Variants in APOC4 observed in about 807,000 individuals in gnomAD.
The protein encoded by APOC4 is apolipoprotein C-IV.
In APOC4, 10 loss-of-function variants were observed where a neutral mutation model predicts 8.4. The observed-to-expected ratio is 1.19, with a 90% CI of 0.74 to 2.03. APOC4 has a LOEUF of 2.03. Among genes scored for constraint, APOC4 ranks in the 30% most tolerant of loss-of-function variants. The pLI is 0.00. For synonymous variants in APOC4, 59 were observed against 65.8 expected (o/e 0.90, Z 0.50); for missense variants, 160 against 156.1 (o/e 1.02, Z -0.13).
Position 44,944,820 on chromosome 19 carries a change from G to A in APOC4, c.148G>A (p.Val50Met). ...PKLKMSRWSL[V>M]RGRMKELLET... is the part of the protein sequence containing the mutation. ...GCTAAAGATGAGTCGCTGGAGCCTGGTGAGGGGCAGGATGAAGGAGCTGCT... is the reference window on the plus strand; with the variant it reads ...GCTAAAGATGAGTCGCTGGAGCCTGATGAGGGGCAGGATGAAGGAGCTGCT... Residue 50 changes from valine (V) to methionine (M), a missense_variant, in exon 2 of 3, where the codon GTG (valine) becomes ATG (methionine). Coordinates refer to ENST00000592954, the MANE Select transcript of APOC4 (RefSeq NM_001646.3). 1.2e-6 allele frequency: 2 copies of A among 1,609,748 alleles called. No homozygotes were observed. The highest frequency in any genetic ancestry group is 1.1e-5 in the South Asian group (1 of 90,188).
Position 44,945,176 on chromosome 19 carries a change from C to A in APOC4, c.255C>A (p.Tyr85Ter), listed in dbSNP as rs769388854. The A allele has an allele frequency of 1.9e-6, 3 of 1,614,114 alleles. No homozygotes were observed. The highest frequency in any genetic ancestry group is 2.5e-6 in the Non-Finnish European group (3 of 1,180,012). The change falls in exon 3 of 3, where the codon TAC (tyrosine) becomes TAA (stop). Residue 85 changes from tyrosine to a stop codon, truncating the protein, a stop_gained. Coordinates refer to ENST00000592954, the MANE Select transcript of APOC4 (RefSeq NM_001646.3). LOFTEE classifies it low-confidence loss of function (END_TRUNC). Reference sequence around the variant, plus strand: ...CCTTCCGGGGCTTCATGCAGACCTACTATGACGACCACCTGAGGGACCTGG... The same window carrying A: ...CCTTCCGGGGCTTCATGCAGACCTAATATGACGACCACCTGAGGGACCTGG... ...PSTFRGFMQTYYDDHLRDLGP... is the reference protein window; with the variant it reads ...PSTFRGFMQT
At chr19:44,942,415 T>C in intron 1 of APOC4, 62 bp downstream of exon 1, 1 of 1,547,524 alleles carries the variant, frequency 6.5e-7, no homozygotes, top group Non-Finnish European at 8.8e-7. Flanking sequence ...TGTGGCTGTG[T>C]GTCCTGTGGC....
At position 44,945,395 on chromosome 19, in the gene APOC4, G is replaced by C. The variant is rs1348593947; in HGVS notation, c.*90G>C. ...AGGTAGGATGATGGCTTGAGCCCAG[G>C]AGTTCGAGACCAGCCTGGGCAACAC... On this transcript the variant is annotated 3_prime_UTR_variant, in exon 3 of 3. Coordinates refer to ENST00000592954, the MANE Select transcript of APOC4 (RefSeq NM_001646.3). 1.8e-5 allele frequency: 25 copies of C among 1,397,220 alleles called. No homozygotes were observed. The highest frequency in any genetic ancestry group is 1.4e-5 in the Non-Finnish European group (14 of 1,029,380). 86.6% of individuals were successfully genotyped at this position (1,397,220 alleles called of 1,614,324 possible).
chr19:44,944,970 C>A (rs966549945), intron 2 of APOC4, 80 bp downstream of exon 2: 10 of 1,533,100 alleles, frequency 6.5e-6, no homozygotes, highest in Non-Finnish European at 7.0e-6. Context: ...ACCCCTGAGT[C>A]TCAGGGAGGA....
intron 1 of APOC4, among the ~76,000 whole-genome samples, chr19:44,942,891 T>C (rs1970275289): frequency 6.6e-6 from 1 of 151,758 alleles, no homozygotes; most frequent in Non-Finnish European, 1.5e-5. Flanking sequence ...CTTCAGAGTA[T>C]TTGGGACTAC....
chr19:44,944,865 A>C lies in APOC4; in HGVS notation c.193A>C (p.Thr65Pro). The change falls in exon 2 of 3, where the codon ACC (threonine) becomes CCC (proline). Residue 65 changes from threonine (T) to proline (P), a missense_variant. Coordinates refer to ENST00000592954, the MANE Select transcript of APOC4 (RefSeq NM_001646.3). ...KELLETVVNR[T>P]RDGWQWFWSP... Reference sequence around the variant, plus strand: ...GCTGCTGGAGACAGTGGTGAACAGGACCAGAGACGGGTGGCAATGGTTCTG... The same window carrying C: ...GCTGCTGGAGACAGTGGTGAACAGGCCCAGAGACGGGTGGCAATGGTTCTG... 1 of 1,607,562 alleles carries C rather than the reference A, an allele frequency of 6.2e-7. No individual in the cohort carries two copies. Among genetic ancestry groups the C allele is most frequent in the Non-Finnish European group, 8.5e-7 (1 of 1,177,782 alleles).
At chr19:44,942,752 AT>A (rs200103557) in intron 1 of APOC4, among the ~76,000 whole-genome samples, 3,082 of 134,196 alleles carry the variant, frequency 0.023, 72 homozygotes, top group African/African-American at 0.072. Context: ...TTGCATATGC[AT>A]TTTTTTTTTT....
Position 44,942,373 on chromosome 19 carries a change from G to A in APOC4, c.76+20G>A, listed in dbSNP as rs371765411. Reference sequence around the variant, plus strand: ...TTGGGGGTGAGAAGAAGTGGGTGGAGGGATGTGGGGCCCACACCTGGTGGG... The same window carrying A: ...TTGGGGGTGAGAAGAAGTGGGTGGAAGGATGTGGGGCCCACACCTGGTGGG... On this transcript the variant is annotated intron_variant, in intron 1 of 2. Transcript: ENST00000592954. 3.7e-6 allele frequency: 6 copies of A among 1,611,670 alleles called. No individual in the cohort carries two copies.
intron 1 of APOC4, among the ~76,000 whole-genome samples, chr19:44,944,195 A>C (rs1254677635): frequency 6.6e-6 from 1 of 152,068 alleles, no homozygotes; most frequent in Non-Finnish European, 1.5e-5. Context: ...TTAGAGGGGA[A>C]CCACAGGCAG....
At chr19:44,945,043 A>G (rs1970301719) in intron 2 of APOC4, 97 bp from the exon 3 acceptor site, 1 of 1,537,384 alleles carries the variant, frequency 6.5e-7, no homozygotes, top group Non-Finnish European at 8.8e-7. Flanking sequence ...TAGAGCTGAG[A>G]GCAGGAACTC....
intron 1 of APOC4, among the ~76,000 whole-genome samples, chr19:44,944,027 G>A (rs1475820382): frequency 6.6e-6 from 1 of 152,168 alleles, no homozygotes; most frequent in Non-Finnish European, 1.5e-5. Context: ...GTCTGCCCCT[G>A]GGGGCAGAAA....
At chr19:44,942,583 T>C (rs112248756) in intron 1 of APOC4, among the ~76,000 whole-genome samples, 60 of 151,230 alleles carry the variant, frequency 4.0e-4, no homozygotes, top group Non-Finnish European at 6.7e-4. Flanking sequence ...CGTGCGTGCG[T>C]GGAAGTGGGA....
intron 1 of APOC4, 50 bp downstream of exon 1, chr19:44,942,403 A>C: frequency 6.3e-7 from 1 of 1,580,270 alleles, no homozygotes; most frequent in Non-Finnish European, 8.6e-7. Context: ...GGTGGGTGTG[A>C]GTGTGGCTGT....
At chr19:44,944,558 A>G (rs925278243) in intron 1 of APOC4, among the ~76,000 whole-genome samples, 191 bp from the exon 2 acceptor site, 2 of 151,908 alleles carry the variant, frequency 1.3e-5, no homozygotes, top group Admixed American at 1.3e-4. Context: ...AAAGAAAAAA[A>G]AAAAGAGATG....
At chr19:44,943,608 T>C (rs1475528709) in intron 1 of APOC4, among the ~76,000 whole-genome samples, 1 of 151,706 alleles carries the variant, frequency 6.6e-6, no homozygotes, top group African/African-American at 2.4e-5. Flanking sequence ...GCGCCTGTAG[T>C]CCCAGCTACT....
Position 44,942,332 on chromosome 19 carries a change from C to T in APOC4, c.55C>T (p.Leu19=), listed in dbSNP as rs1970267554. The T allele has an allele frequency of 6.8e-6, 11 of 1,613,792 alleles. No individual in the cohort carries two copies. The highest frequency in any genetic ancestry group is 9.3e-6 in the Non-Finnish European group (11 of 1,179,858). ...QALPALCLCV[L]VLACIGACQP... is the part of the protein sequence containing the mutation. ...CCTGCCTGCCCTGTGCCTCTGCGTG[C>T]TGGTCCTGGCCTGCATTGGGGGTGA... The change falls in exon 1 of 3, where the codon CTG becomes TTG. Residue 19 remains leucine, a synonymous_variant. Coordinates refer to ENST00000592954, the MANE Select transcript of APOC4 (RefSeq NM_001646.3).
At chr19:44,943,692 A>G (rs1235622433) in intron 1 of APOC4, among the ~76,000 whole-genome samples, 5 of 152,116 alleles carry the variant, frequency 3.3e-5, no homozygotes, top group Admixed American at 3.3e-4. Context: ...GCGCCACTGC[A>G]TTCCAACCTG....
At chr19:44,942,441 G>C (rs1970269176) in intron 1 of APOC4, 88 bp downstream of exon 1, 1 of 1,334,668 alleles carries the variant, frequency 7.5e-7, no homozygotes, top group African/African-American at 1.4e-5. Context: ...AGCCACGTGA[G>C]ACATGAGTAC....
intron 1 of APOC4, among the ~76,000 whole-genome samples, chr19:44,942,847 G>A (rs1433623829): frequency 6.6e-6 from 1 of 150,978 alleles, no homozygotes; most frequent in Non-Finnish European, 1.5e-5. Context: ...TGCATCATCC[G>A]CCTACCCGTT....
Sources: gnomAD v4.1 joint callset for allele counts (sites outside exome capture counted in the v4.1 genomes callset) on GRCh38, gnomAD v4.1.1 for gene constraint, MANE v1.5 for transcripts, NCBI Gene and HGNC (gene_info 2026-07-23, HGNC 2026-07-21) for gene names.